Variants in AMER2 observed in about 807,000 individuals in gnomAD.
The protein encoded by AMER2 is family with sequence similarity 123A.
In AMER2, 1 loss-of-function variant was observed where a neutral mutation model predicts 4.7. The observed-to-expected ratio is 0.21, with a 90% CI of 0.07 to 1.00. AMER2 has a LOEUF of 1.00. AMER2 is among the 50% of genes least tolerant of loss of function. The pLI, the probability that AMER2 is intolerant of heterozygous loss-of-function variation, is 0.60. For missense variants in AMER2, 988 were observed against 966.9 expected, an observed-to-expected ratio of 1.02 and a Z score of -0.29; for synonymous variants, 485 against 433.3, an observed-to-expected ratio of 1.12 and a Z score of -1.48.
In AMER2 at chr13:25,167,414, G is replaced by A. The variant is rs1047955882; in HGVS notation, c.*2190C>T. Reference sequence around the variant, plus strand: ...TATTTTGAGCCTAAATAGTACCAGCGGCATGAAATCAAATGTAAATCCCTT... The same window carrying A: ...TATTTTGAGCCTAAATAGTACCAGCAGCATGAAATCAAATGTAAATCCCTT... On this transcript the variant is annotated 3_prime_UTR_variant, in exon 1 of 1. Transcript: ENST00000515384. 3.9e-5 allele frequency: 6 copies of A among 152,048 alleles called. No homozygotes were observed. Among genetic ancestry groups the A allele is most frequent in the African/African-American group, 7.2e-5 (3 of 41,406 alleles). The allele number at this position is 152,048 out of a possible 1,614,324, so 9.4% of individuals were successfully genotyped here. A position where few individuals can be genotyped will look rare whatever the true frequency, so the allele number is the denominator to read the frequency against.
Position 25,167,880 on chromosome 13 carries a change from A to G in AMER2, c.*1724T>C, listed in dbSNP as rs1956498035. On this transcript the variant is annotated 3_prime_UTR_variant, in exon 1 of 1. Coordinates refer to ENST00000515384, the MANE Select transcript of AMER2 (RefSeq NM_152704.4). Reference sequence around the variant, plus strand: ...ACTTGCCTTGTTCTTTCATTTATGAAACAGAAAACAAACTTAAAAAGCATG... The same window carrying G: ...ACTTGCCTTGTTCTTTCATTTATGAGACAGAAAACAAACTTAAAAAGCATG... 1 of 152,190 alleles carries G rather than the reference A, an allele frequency of 6.6e-6. No individual in the cohort carries two copies. Among genetic ancestry groups the G allele is most frequent in the African/African-American group, 2.4e-5 (1 of 41,450 alleles). The allele number at this position is 152,190 out of a possible 1,614,324, so 9.4% of individuals were successfully genotyped here.
Position 25,171,870 on chromosome 13 carries a change from G to A in AMER2, c.-251C>T. 1 of 589,474 alleles carries A rather than the reference G, an allele frequency of 1.7e-6. No individual in the cohort carries two copies. Among genetic ancestry groups the A allele is most frequent in the Non-Finnish European group, 2.5e-6 (1 of 395,868 alleles). 36.5% of individuals were successfully genotyped at this position (589,474 alleles called of 1,614,324 possible). A position where few individuals can be genotyped will look rare whatever the true frequency, so the allele number is the denominator to read the frequency against. ...AGCCGCGAGCTGATTGCAGAAATTCGAGTCGTAATTATGGAATTCAAATTC... is the reference window on the plus strand; with the variant it reads ...AGCCGCGAGCTGATTGCAGAAATTCAAGTCGTAATTATGGAATTCAAATTC... On this transcript the variant is annotated 5_prime_UTR_variant, in exon 1 of 1. Transcript: ENST00000515384. The surrounding 1 kb of genome is among the most constrained non-coding windows in gnomAD (Gnocchi z 5.9).
chr13:25,169,504 TA>T lies in AMER2; in HGVS notation c.*99del, dbSNP rs1185469399. 14 of 1,474,334 alleles carry T rather than the reference TA, an allele frequency of 9.5e-6. No individual in the cohort carries two copies. Among genetic ancestry groups the T allele is most frequent in the Non-Finnish European group, 1.3e-5 (14 of 1,113,760 alleles). The allele number at this position is 1,474,334 out of a possible 1,614,324, so 91.3% of individuals were successfully genotyped here. Reference sequence around the variant, plus strand: ...GCAGGGCGGGGGACGGGTGGTGTCCTAAAAGACTTTCTTTAGGAAAAGCAAA... The same window carrying T: ...GCAGGGCGGGGGACGGGTGGTGTCCTAAAGACTTTCTTTAGGAAAAGCAAA... On this transcript the variant is annotated 3_prime_UTR_variant, in exon 1 of 1. Coordinates refer to ENST00000515384, the MANE Select transcript of AMER2 (RefSeq NM_152704.4). The surrounding 1 kb of genome is among the most constrained non-coding windows in gnomAD (Gnocchi z 4.2).
In AMER2 at chr13:25,168,140, A is replaced by T. The variant is rs1467363123; in HGVS notation, c.*1464T>A. The T allele has an allele frequency of 6.6e-6, 1 of 152,222 alleles. No individual in the cohort carries two copies. The highest frequency in any genetic ancestry group is 2.4e-5 in the African/African-American group (1 of 41,462). The allele number at this position is 152,222 out of a possible 1,614,324, so 9.4% of individuals were successfully genotyped here. ...ATTCTAGGAACTGCTTCAGTTTATC[A>T]TTCAAACTAGGCATATAATAACCCT... On this transcript the variant is annotated 3_prime_UTR_variant, in exon 1 of 1. Coordinates refer to ENST00000515384, the MANE Select transcript of AMER2 (RefSeq NM_152704.4).
chr13:25,167,013 C>T lies in AMER2; in HGVS notation c.*2591G>A, dbSNP rs1013995531. The T allele has an allele frequency of 1.3e-5, 2 of 151,980 alleles. No homozygotes were observed. Among genetic ancestry groups the T allele is most frequent in the East Asian group, 3.8e-4 (2 of 5,198 alleles). The allele number at this position is 151,980 out of a possible 1,614,324, so 9.4% of individuals were successfully genotyped here. A position where few individuals can be genotyped will look rare whatever the true frequency, so the allele number is the denominator to read the frequency against. The stretch of plus-strand genomic sequence containing the variant: ...AATTTTAAAAGAAAATATTTTATAT[C>T]TTTTATAACTGGTTAATTGACAGGT... On this transcript the variant is annotated 3_prime_UTR_variant, in exon 1 of 1. Transcript: ENST00000515384.
rs1299715024 is a variant in AMER2, at chr13:25,171,470, G to A, written c.150C>T (p.Ala50=). 1 of 1,609,692 alleles carries A rather than the reference G, an allele frequency of 6.2e-7. No homozygotes were observed. Reference sequence around the variant, plus strand: ...GCGGCTCGGCGGCCGGCGTTTCGGCGGCACAGTCACAATGCAAGTCCATGT... The same window carrying A: ...GCGGCTCGGCGGCCGGCGTTTCGGCAGCACAGTCACAATGCAAGTCCATGT... ...AADMDLHCDC[A]AETPAAEPPS... is the part of the protein sequence containing the mutation. The change falls in exon 1 of 1, where the codon GCC becomes GCT. Residue 50 remains alanine (A), a synonymous_variant. Transcript: ENST00000515384. This position sits in a 1 kb window ranked among gnomAD's most constrained non-coding sequence, Gnocchi z 5.9.
In AMER2 at chr13:25,162,921, A is replaced by G. The variant is rs1956426335; in HGVS notation, c.*6683T>C. 6.6e-6 allele frequency: 1 copy of G among 152,248 alleles called. No individual in the cohort carries two copies. Among genetic ancestry groups the G allele is most frequent in the East Asian group, 1.9e-4 (1 of 5,204 alleles). The allele number at this position is 152,248 out of a possible 1,614,324, so 9.4% of individuals were successfully genotyped here. ...TCCTCTCTGGCAACATAGTAAACAT[A>G]CAGGATATGTTAGTAGAATTCAATA... On this transcript the variant is annotated 3_prime_UTR_variant, in exon 1 of 1. Transcript: ENST00000515384.
Position 25,166,262 on chromosome 13 carries a change from T to C in AMER2, c.*3342A>G, listed in dbSNP as rs532011983. ...TTTGTATTCTATATTCCATTGTTGT[T>C]ATTAGATAAAATAAAATGTATCTAG... On this transcript the variant is annotated 3_prime_UTR_variant, in exon 1 of 1. Coordinates refer to ENST00000515384, the MANE Select transcript of AMER2 (RefSeq NM_152704.4). 1 of 152,328 alleles carries C rather than the reference T, an allele frequency of 6.6e-6. No individual in the cohort carries two copies. Among genetic ancestry groups the C allele is most frequent in the South Asian group, 2.1e-4 (1 of 4,826 alleles). The allele number at this position is 152,328 out of a possible 1,614,324, so 9.4% of individuals were successfully genotyped here.
In AMER2 at chr13:25,166,130, GA is replaced by G. The variant is rs1956476166; in HGVS notation, c.*3473del. 6.6e-6 allele frequency: 1 copy of G among 152,330 alleles called. No individual in the cohort carries two copies. The highest frequency in any genetic ancestry group is 2.1e-4 in the South Asian group (1 of 4,832). The allele number at this position is 152,330 out of a possible 1,614,324, so 9.4% of individuals were successfully genotyped here. A position where few individuals can be genotyped will look rare whatever the true frequency, so the allele number is the denominator to read the frequency against. On this transcript the variant is annotated 3_prime_UTR_variant, in exon 1 of 1. Transcript: ENST00000515384. ...AATACTTGAAGACTACCTCTGAGAT[GA>G]AGAAATAAATCCTTTAAACACGGTG...
In AMER2 at chr13:25,169,821, C is replaced by G. The variant is rs1453252911; in HGVS notation, c.1799G>C (p.Gly600Ala). The G allele has an allele frequency of 1.9e-6, 3 of 1,614,032 alleles. No homozygotes were observed. The highest frequency in any genetic ancestry group is 2.5e-6 in the Non-Finnish European group (3 of 1,179,972). ...GATCTTAGAGTCCTTCAGCAAGCTG[C>G]CTGGTGTTCGCAGTGGACAGGTGAT... ...GTITCPLRTPGSLLKDSKIPI... is the reference protein window; with the variant it reads ...GTITCPLRTPASLLKDSKIPI... Residue 600 changes from glycine (G) to alanine (A), a missense_variant, in exon 1 of 1, where the codon GGC becomes GCC. Coordinates refer to ENST00000515384, the MANE Select transcript of AMER2 (RefSeq NM_152704.4). This position sits in a 1 kb window ranked among gnomAD's most constrained non-coding sequence, Gnocchi z 4.2.
At position 25,170,712 on chromosome 13, in the gene AMER2, T is replaced by G; in HGVS notation, c.908A>C (p.His303Pro). The G allele has an allele frequency of 6.7e-7, 1 of 1,486,326 alleles. No individual in the cohort carries two copies. Among genetic ancestry groups the G allele is most frequent in the Non-Finnish European group, 8.9e-7 (1 of 1,124,604 alleles). 92.1% of individuals were successfully genotyped at this position (1,486,326 alleles called of 1,614,324 possible). A position where few individuals can be genotyped will look rare whatever the true frequency, so the allele number is the denominator to read the frequency against. Residue 303 changes from histidine (H) to proline (P), a missense_variant, in exon 1 of 1, where the codon CAT becomes CCT. By Grantham distance (77) the His-to-Pro change is moderately conservative. Coordinates refer to ENST00000515384, the MANE Select transcript of AMER2 (RefSeq NM_152704.4). The surrounding 1 kb of genome is among the most constrained non-coding windows in gnomAD (Gnocchi z 7.3). The stretch of plus-strand genomic sequence containing the variant: ...CCCGGGCCCCGGCTCGGCGCGCCGA[T>G]GCCCCGCGGCGTCCTCTCCCCGGGC... ...TGARGEDAAG[H>P]RRAEPGPGEV... is the part of the protein sequence containing the mutation.
chr13:25,168,550 C>T lies in AMER2; in HGVS notation c.*1054G>A, dbSNP rs1476214395. On this transcript the variant is annotated 3_prime_UTR_variant, in exon 1 of 1. Transcript: ENST00000515384. ...TTTTTTTTTTTGAGAACCAGAGAACCCATATAAAACAAAATCAGAATCGCT... is the reference window on the plus strand; with the variant it reads ...TTTTTTTTTTTGAGAACCAGAGAACTCATATAAAACAAAATCAGAATCGCT... 4 of 151,272 alleles carry T rather than the reference C, an allele frequency of 2.6e-5. No individual in the cohort carries two copies. Among genetic ancestry groups the T allele is most frequent in the African/African-American group, 9.7e-5 (4 of 41,092 alleles). 9.4% of individuals were successfully genotyped at this position (151,272 alleles called of 1,614,324 possible).
In AMER2 at chr13:25,171,969, A is replaced by G; in HGVS notation, c.-350T>C. Reference sequence around the variant, plus strand: ...CGGGAGCGCAACCATGGATCACGAAATGCCTCTAAAAACGACAACGCAATT... The same window carrying G: ...CGGGAGCGCAACCATGGATCACGAAGTGCCTCTAAAAACGACAACGCAATT... On this transcript the variant is annotated 5_prime_UTR_variant, in exon 1 of 1. Coordinates refer to ENST00000515384, the MANE Select transcript of AMER2 (RefSeq NM_152704.4). This position sits in a 1 kb window ranked among gnomAD's most constrained non-coding sequence, Gnocchi z 5.9. 1 of 292,278 alleles carries G rather than the reference A, an allele frequency of 3.4e-6. No individual in the cohort carries two copies. The highest frequency in any genetic ancestry group is 6.1e-5 in the East Asian group (1 of 16,376). The allele number at this position is 292,278 out of a possible 1,614,324, so 18.1% of individuals were successfully genotyped here.
Position 25,168,177 on chromosome 13 carries a change from A to C in AMER2, c.*1427T>G, listed in dbSNP as rs1317274481. ...CATATAATAACCCTTTCTGAAATAA[A>C]TGTTTCATCTGAAATATTAGAAAAC... On this transcript the variant is annotated 3_prime_UTR_variant, in exon 1 of 1. Coordinates refer to ENST00000515384, the MANE Select transcript of AMER2 (RefSeq NM_152704.4). The C allele has an allele frequency of 6.6e-6, 1 of 152,242 alleles. No individual in the cohort carries two copies. The highest frequency in any genetic ancestry group is 1.5e-5 in the Non-Finnish European group (1 of 68,032). The allele number at this position is 152,242 out of a possible 1,614,324, so 9.4% of individuals were successfully genotyped here.
Position 25,170,299 on chromosome 13 carries a change from C to T in AMER2, c.1321G>A (p.Asp441Asn). ...TGCTCCTCGGTCTGGGAGAGCATGT[C>T]CCAGAACTCCTGTAGATAGGTGTCG... ...VDDTYLQEFW[D>N]MLSQTEEQGP... Residue 441 changes from aspartate to asparagine, a missense_variant, in exon 1 of 1, where the codon GAC becomes AAC. Coordinates refer to ENST00000515384, the MANE Select transcript of AMER2 (RefSeq NM_152704.4). This position sits in a 1 kb window ranked among gnomAD's most constrained non-coding sequence, Gnocchi z 7.3. 1 of 1,613,826 alleles carries T rather than the reference C, an allele frequency of 6.2e-7. No homozygotes were observed. Among genetic ancestry groups the T allele is most frequent in the South Asian group, 1.1e-5 (1 of 91,052 alleles).
rs1405074264 is a variant in AMER2 at position 25,161,777 on chromosome 13, A to T, written c.*7827T>A. 6.6e-6 allele frequency: 1 copy of T among 152,246 alleles called. No homozygotes were observed. The highest frequency in any genetic ancestry group is 2.4e-5 in the African/African-American group (1 of 41,462). The allele number at this position is 152,246 out of a possible 1,614,324, so 9.4% of individuals were successfully genotyped here. ...ATTTCATTTTCAGATGTTTGAATGG[A>T]ACAAGAAAAGTGCTATTAGCCCAAG... On this transcript the variant is annotated 3_prime_UTR_variant, in exon 1 of 1. Coordinates refer to ENST00000515384, the MANE Select transcript of AMER2 (RefSeq NM_152704.4).
chr13:25,169,711 T>C lies in AMER2; in HGVS notation c.1909A>G (p.Thr637Ala). 6.2e-7 allele frequency: 1 copy of C among 1,614,174 alleles called. No homozygotes were observed. The highest frequency in any genetic ancestry group is 8.5e-7 in the Non-Finnish European group (1 of 1,180,026). The change falls in exon 1 of 1, where the codon ACA becomes GCA. Residue 637 changes from threonine to alanine, a missense_variant. By Grantham distance (58) the Thr-to-Ala change is moderately conservative. Transcript: ENST00000515384. This position sits in a 1 kb window ranked among gnomAD's most constrained non-coding sequence, Gnocchi z 4.2. ...AGCACTTTGGAAACCGGGATTTTTG[T>C]TCTGGGCATCTCACTCCTGGAGGGT... ...QQPSRSEMPR[T>A]KIPVSKVLVR... is the part of the protein sequence containing the mutation.
Position 25,170,573 on chromosome 13 carries a change from G to A in AMER2, c.1047C>T (p.Ala349=), listed in dbSNP as rs756174964. ...ACGGGTCTGAGGGTGGATCGACAGA[G>A]GCAGGGTCTGGGGCGGCGGGCGCCC... The part of the protein sequence containing the change: ...SGRAPAAPDP[A]SVDPPSDPSA... The change falls in exon 1 of 1, where the codon GCC becomes GCT. Residue 349 remains alanine, a synonymous_variant. Transcript: ENST00000515384. This position sits in a 1 kb window ranked among gnomAD's most constrained non-coding sequence, Gnocchi z 7.3. The A allele has an allele frequency of 6.2e-7, 1 of 1,609,044 alleles. No homozygotes were observed. Among genetic ancestry groups the A allele is most frequent in the African/African-American group, 1.3e-5 (1 of 75,024 alleles).
chr13:25,162,360 C>T lies in AMER2; in HGVS notation c.*7244G>A, dbSNP rs1956418450. ...GTCAAGTACAAATGATAGGAATTGA[C>T]TTTGCCAACAACATCAAAAGCATTT... On this transcript the variant is annotated 3_prime_UTR_variant, in exon 1 of 1. Coordinates refer to ENST00000515384, the MANE Select transcript of AMER2 (RefSeq NM_152704.4). 3 of 152,156 alleles carry T rather than the reference C, an allele frequency of 2.0e-5. No individual in the cohort carries two copies. The highest frequency in any genetic ancestry group is 1.3e-4 in the Admixed American group (2 of 15,266). 9.4% of individuals were successfully genotyped at this position (152,156 alleles called of 1,614,324 possible).
Sources: gnomAD v4.1 joint callset for allele counts on GRCh38, gnomAD v4.1.1 for gene constraint, Gnocchi (gnomAD v3.1) non-coding constraint, MANE v1.5 for transcripts, NCBI Gene and HGNC (gene_info 2026-07-23, HGNC 2026-07-21) for gene names.